Variants in PHF21A observed in about 807,000 individuals in gnomAD.
PHF21A encodes BHC80a.
In PHF21A, 11 loss-of-function variants were observed where a neutral mutation model predicts 82.5. The ratio of observed to expected loss-of-function variants is 0.13; its 90% CI spans 0.08 to 0.22. The LOEUF is 0.22. PHF21A is among the 10% of genes least tolerant of loss of function. The pLI is 1.00. For missense variants in PHF21A, 579 were observed against 837.8 expected (o/e 0.69, Z 3.81); for synonymous variants, 297 against 302.8 (o/e 0.98, Z 0.20).
At chr11:46,024,302 A>G (rs745424724) in intron 6 of PHF21A, among the ~76,000 whole-genome samples, 6 of 151,824 alleles carry the variant, frequency 4.0e-5, no homozygotes, top group African/African-American at 1.5e-4. Flanking sequence ...CTCTCTCCCT[A>G]TATCTCTTTC....
chr11:46,012,217 T>A (rs2095427589), intron 6 of PHF21A, among the ~76,000 whole-genome samples: 1 of 152,220 alleles, frequency 6.6e-6, no homozygotes, highest in Non-Finnish European at 1.5e-5. Flanking sequence ...TCAGAAAGTA[T>A]TCAAATCTTT....
intron 7 of PHF21A, among the ~76,000 whole-genome samples, chr11:45,978,432 C>T (rs1176347911): frequency 6.6e-6 from 1 of 152,194 alleles, no homozygotes; most frequent in Non-Finnish European, 1.5e-5. Context: ...ATACAGTAAC[C>T]TCTATTAAAT....
chr11:45,949,496 A>C lies in PHF21A; in HGVS notation c.1148-15T>G, dbSNP rs2091816010. 8 of 1,610,276 alleles carry C rather than the reference A, an allele frequency of 5.0e-6. No individual in the cohort carries two copies. Among genetic ancestry groups the C allele is most frequent in the Admixed American group, 1.7e-5 (1 of 59,996 alleles). On this transcript the variant is annotated splice_polypyrimidine_tract_variant and intron_variant, in intron 12 of 18. Transcript: ENST00000676320. ...GCTTTGGATTTCTTGAGAGAAGAAA[A>C]GGTTTTCATTAGCAGAGAGGCATGG...
At chr11:45,965,694 ATGGTG>A in intron 9 of PHF21A, 86 bp from the exon 10 acceptor site, 8 of 984,266 alleles carry the variant, frequency 8.1e-6, no homozygotes, top group Non-Finnish European at 1.2e-5. Context: ...TATGTATGAA[ATGGTG>A]TTTAATACAC....
chr11:46,101,852 TCTCC>T (rs1194626138), intron 1 of PHF21A, among the ~76,000 whole-genome samples: 1 of 149,588 alleles, frequency 6.7e-6, no homozygotes, highest in Non-Finnish European at 1.5e-5. Context: ...CCCGTGCTGG[TCTCC>T]CTCTTTTTTT....
chr11:46,081,561 T>G (rs1379698298), intron 4 of PHF21A, among the ~76,000 whole-genome samples: 1 of 152,244 alleles, frequency 6.6e-6, no homozygotes, highest in Non-Finnish European at 1.5e-5. Flanking sequence ...AATTTTTCTA[T>G]CTGTAAGCAG....
chr11:46,077,530 C>A (rs989470105), intron 5 of PHF21A, among the ~76,000 whole-genome samples: 1 of 152,234 alleles, frequency 6.6e-6, no homozygotes, highest in Non-Finnish European at 1.5e-5. Context: ...CTGAACACCA[C>A]CCTAATGAGA....
At chr11:45,999,334 AT>A in intron 6 of PHF21A, among the ~76,000 whole-genome samples, 1 of 152,228 alleles carries the variant, frequency 6.6e-6, no homozygotes. Context: ...ATCAATAATA[AT>A]TAAAAATTAT....
chr11:46,061,082 T>C (rs1375904846), intron 6 of PHF21A, among the ~76,000 whole-genome samples: 1 of 152,250 alleles, frequency 6.6e-6, no homozygotes, highest in Non-Finnish European at 1.5e-5. Context: ...TCCCCATTGC[T>C]TGTTTTCGTC....
chr11:46,060,790 T>G (rs969245868), intron 6 of PHF21A, among the ~76,000 whole-genome samples: 10 of 152,272 alleles, frequency 6.6e-5, no homozygotes, highest in African/African-American at 2.2e-4. Context: ...CTGTTGATAG[T>G]TTCATTTGCT....
intron 6 of PHF21A, among the ~76,000 whole-genome samples, chr11:46,065,077 T>C (rs146692322): frequency 6.6e-6 from 1 of 152,318 alleles, no homozygotes; most frequent in Non-Finnish European, 1.5e-5. Context: ...GAGACAGACA[T>C]TGTTAACTTT....
intron 1 of PHF21A, among the ~76,000 whole-genome samples, chr11:46,112,879 A>G (rs1020640550): frequency 2.0e-5 from 3 of 152,252 alleles, no homozygotes; most frequent in Admixed American, 2.0e-4. Context: ...AAAATAATTT[A>G]CATCTGCTAA....
intron 8 of PHF21A, chr11:45,970,464 A>G (rs1186129016): frequency 6.6e-6 from 1 of 152,456 alleles, no homozygotes. Flanking sequence ...TTTTAAGGGA[A>G]TTTTACATCA....
intron 6 of PHF21A, among the ~76,000 whole-genome samples, chr11:46,046,359 T>C (rs1247028764): frequency 3.3e-5 from 5 of 152,054 alleles, no homozygotes; most frequent in African/African-American, 1.2e-4. Context: ...AAAAAAGTAT[T>C]TCCCCATCAA....
intron 6 of PHF21A, among the ~76,000 whole-genome samples, chr11:46,051,589 T>C (rs2096367058): frequency 6.6e-6 from 1 of 152,194 alleles, no homozygotes; most frequent in Non-Finnish European, 1.5e-5. Flanking sequence ...GCTTCTTGTC[T>C]ACACAAGAAA....
chr11:46,094,244 G>A (rs2096963125), intron 1 of PHF21A, among the ~76,000 whole-genome samples: 1 of 152,196 alleles, frequency 6.6e-6, no homozygotes, highest in Non-Finnish European at 1.5e-5. Context: ...AAAATGAGGA[G>A]CAGGGCCAAT....
At chr11:45,975,657 T>C (rs1029645636) in intron 7 of PHF21A, among the ~76,000 whole-genome samples, 2 of 152,204 alleles carry the variant, frequency 1.3e-5, no homozygotes, top group Non-Finnish European at 2.9e-5. Context: ...GGTTGGAGAG[T>C]ATACCTGTAT....
chr11:46,065,212 ACTC>A (rs1482842892), intron 6 of PHF21A, among the ~76,000 whole-genome samples: 1 of 151,966 alleles, frequency 6.6e-6, no homozygotes, highest in Non-Finnish European at 1.5e-5. Context: ...TCAGTCTTGG[ACTC>A]CTCCTTCTTG....
At chr11:46,057,415 T>C (rs2139370357) in intron 6 of PHF21A, among the ~76,000 whole-genome samples, 1 of 152,250 alleles carries the variant, frequency 6.6e-6, no homozygotes. Flanking sequence ...ATTCAATACA[T>C]ATAACAGATG....
Sources: allele counts gnomAD v4.1 joint callset (sites outside exome capture counted in the v4.1 genomes callset), GRCh38; gene constraint gnomAD v4.1.1; transcripts MANE v1.5; gene names NCBI Gene and HGNC (gene_info 2026-07-23, HGNC 2026-07-21).